The following NELFE variants were observed in gnomAD, a reference collection of about 807,000 sequenced individuals.
NELFE encodes the protein negative elongation factor E.
Under a neutral mutation model 55.5 loss-of-function variants are expected in NELFE, and 26 were observed. The ratio of observed to expected loss-of-function variants is 0.47; its 90% CI spans 0.34 to 0.65. NELFE has a LOEUF of 0.65. NELFE is among the 30% of genes least tolerant of loss of function. The pLI is 0.01. For missense variants in NELFE, 403 were observed against 506.9 expected (o/e 0.80, Z 1.97); for synonymous variants, 162 against 178.0 (o/e 0.91, Z 0.72).
chr6:31,955,359 T>A (rs1772014457), intron 4 of NELFE, 66 bp from the exon 5 acceptor site: 1 of 1,115,456 alleles, frequency 9.0e-7, no homozygotes, highest in African/African-American at 1.6e-5. Flanking sequence ...CCAGAGGTGT[T>A]CCTCTTCCCT....
Position 31,954,513 on chromosome 6 carries a change from C to T in NELFE, c.742+42G>A, listed in dbSNP as rs2151793257. The T allele has an allele frequency of 6.3e-7, 1 of 1,584,950 alleles. No individual in the cohort carries two copies. Among genetic ancestry groups the T allele is most frequent in the Non-Finnish European group, 8.6e-7 (1 of 1,163,714 alleles). On this transcript the variant is annotated intron_variant, in intron 7 of 10. Coordinates refer to ENST00000375429, the MANE Select transcript of NELFE (RefSeq NM_002904.6). This position sits in a 1 kb window ranked among gnomAD's most constrained non-coding sequence, Gnocchi z 5.5. ...TTTCACTTAGTAGGACCCACATAAA[C>T]CTCAGTTAAGGTCACCTTGACCTCC... is the stretch of plus-strand genomic sequence containing the variant.
At position 31,954,742 on chromosome 6, in the gene NELFE, G is replaced by A; in HGVS notation, c.555C>T (p.Ser185=). Residue 185 remains serine, a synonymous_variant, in exon 7 of 11, where the codon AGC becomes AGT. Coordinates refer to ENST00000375429, the MANE Select transcript of NELFE (RefSeq NM_002904.6). This position sits in a 1 kb window ranked among gnomAD's most constrained non-coding sequence, Gnocchi z 5.5. The stretch of plus-strand genomic sequence containing the variant: ...TCTCATGGCTGCGGTCCCGGCTGCG[G>A]CTTCGGGGAGGGGAGGCTGAGGAGT... ...GAHSSASPPR[S]RSRDRSHERN... The A allele has an allele frequency of 1.2e-6, 2 of 1,613,614 alleles. No individual in the cohort carries two copies. Among genetic ancestry groups the A allele is most frequent in the Non-Finnish European group, 1.7e-6 (2 of 1,180,012 alleles).
intron 4 of NELFE, 36 bp from the exon 5 acceptor site, chr6:31,955,329 G>A (rs774560577): frequency 2.7e-6 from 4 of 1,498,306 alleles, no homozygotes; most frequent in East Asian, 2.3e-5. Context: ...GTGTGGAGCA[G>A]GAGGTTGCCC....
At chr6:31,957,161 C>T (rs1772138782) in intron 2 of NELFE, 151 bp from the exon 3 acceptor site, 1 of 717,378 alleles carries the variant, frequency 1.4e-6, no homozygotes, top group Non-Finnish European at 2.3e-6. Context: ...GCCTCTGGTC[C>T]CCTAGATCAT....
chr6:31,958,217 G>A (rs1320851846), intron 2 of NELFE, 155 bp downstream of exon 2: 1 of 695,824 alleles, frequency 1.4e-6, no homozygotes, highest in East Asian at 2.6e-5. Context: ...CCACACCAAG[G>A]CTTGGGAAAG....
Position 31,955,040 on chromosome 6 carries a change from C to CATAA in NELFE, c.404+18_404+19insTTAT, listed in dbSNP as rs751750995. 1 of 1,613,304 alleles carries CATAA rather than the reference C, an allele frequency of 6.2e-7. No individual in the cohort carries two copies. Among genetic ancestry groups the CATAA allele is most frequent in the South Asian group, 1.1e-5 (1 of 91,086 alleles). On this transcript the variant is annotated intron_variant, in intron 6 of 10. Transcript: ENST00000375429. ...ATCAACTCCACCAAATGGGCCCAGCCTTATCTCTACTCTCTAACCTCTCAT... is the reference window on the plus strand; with the variant it reads ...ATCAACTCCACCAAATGGGCCCAGCCATAATTATCTCTACTCTCTAACCTCTCAT...
intron 2 of NELFE, 103 bp from the exon 3 acceptor site, chr6:31,957,113 A>T: frequency 9.9e-7 from 1 of 1,009,628 alleles, no homozygotes; most frequent in Non-Finnish European, 1.5e-6. Flanking sequence ...GTCTTTCTTG[A>T]TGCCCTCAGA....
chr6:31,954,987 C>T lies in NELFE; in HGVS notation c.404+72G>A, dbSNP rs1771992168. On this transcript the variant is annotated intron_variant, in intron 6 of 10. Coordinates refer to ENST00000375429, the MANE Select transcript of NELFE (RefSeq NM_002904.6). The surrounding 1 kb of genome is among the most constrained non-coding windows in gnomAD (Gnocchi z 5.5). ...TATTCCCTCTATAGCCCAGCTCCTACAGCCCAAACCTCCCAAGGACTCAGG... is the reference window on the plus strand; with the variant it reads ...TATTCCCTCTATAGCCCAGCTCCTATAGCCCAAACCTCCCAAGGACTCAGG... 1 of 1,613,328 alleles carries T rather than the reference C, an allele frequency of 6.2e-7. No homozygotes were observed. The highest frequency in any genetic ancestry group is 8.5e-7 in the Non-Finnish European group (1 of 1,179,706).
In NELFE at chr6:31,954,872, C is replaced by A. The variant is rs747856345; in HGVS notation, c.425G>T (p.Arg142Leu). 1.1e-5 allele frequency: 17 copies of A among 1,565,312 alleles called. No individual in the cohort carries two copies. Among genetic ancestry groups the A allele is most frequent in the African/African-American group, 1.4e-5 (1 of 73,706 alleles). The change falls in exon 7 of 11, where the codon CGA becomes CTA. Residue 142 changes from arginine (R) to leucine (L), a missense_variant. Arg to Leu is a moderately radical substitution (Grantham distance 102). This residue lies in a region of NELFE where 229 missense variants were observed against 228.3 expected (regional missense o/e 1.00). Transcript: ENST00000375429. The surrounding 1 kb of genome is among the most constrained non-coding windows in gnomAD (Gnocchi z 5.5). ...LYESFVSSSD[R>L]LRELGPDGEE... ...TCCATCTGGTCCTAGTTCTCGAAGTCGATCACTAGAAGACACAAAGCTGGG... is the reference window on the plus strand; with the variant it reads ...TCCATCTGGTCCTAGTTCTCGAAGTAGATCACTAGAAGACACAAAGCTGGG...
In NELFE at chr6:31,954,135, C is replaced by G. The variant is rs1282809985; in HGVS notation, c.888-1G>C. The G allele has an allele frequency of 1.2e-6, 2 of 1,613,902 alleles. No individual in the cohort carries two copies. The highest frequency in any genetic ancestry group is 1.7e-6 in the Non-Finnish European group (2 of 1,180,012). ...CTTTTCATAGGTGACGAAGGCACAG[C>G]TGGGATAAGAGAAAACACGGTCAGT... is the stretch of plus-strand genomic sequence containing the variant. On this transcript the variant is annotated splice_acceptor_variant, in intron 8 of 10. Coordinates refer to ENST00000375429, the MANE Select transcript of NELFE (RefSeq NM_002904.6). LOFTEE classifies it high-confidence loss of function. The surrounding 1 kb of genome is among the most constrained non-coding windows in gnomAD (Gnocchi z 5.5).
chr6:31,958,714 G>A, intron 1 of NELFE, 178 bp downstream of exon 1: 1 of 702,868 alleles, frequency 1.4e-6, no homozygotes, highest in South Asian at 1.5e-5. Flanking sequence ...TATCCACTCC[G>A]TCGGAAAGAC....
At chr6:31,956,862 A>G (rs774286683) in intron 3 of NELFE, 24 bp from the exon 4 acceptor site, 2 of 1,613,022 alleles carry the variant, frequency 1.2e-6, no homozygotes, top group Admixed American at 3.3e-5. Flanking sequence ...GGGAAGAGGC[A>G]TTATGTTGGC....
intron 1 of NELFE, 66 bp from the exon 2 acceptor site, chr6:31,958,520 C>T (rs1582160156): frequency 1.5e-6 from 2 of 1,313,654 alleles, no homozygotes; most frequent in South Asian, 1.2e-5. Context: ...ACACGCCGTC[C>T]ACACTGTACC....
At chr6:31,953,681 G>T in intron 10 of NELFE, 48 bp downstream of exon 10, 1 of 1,491,820 alleles carries the variant, frequency 6.7e-7, no homozygotes. Context: ...GAACCAAAAG[G>T]AATGGCCTGT....
rs1171321565 is a variant in NELFE, at chr6:31,954,402, C to T, written c.783G>A (p.Gly261=). 1.2e-6 allele frequency: 2 copies of T among 1,610,688 alleles called. No homozygotes were observed. Among genetic ancestry groups the T allele is most frequent in the Admixed American group, 1.7e-5 (1 of 59,166 alleles). ...SFPERRAPRK[G]NTLYVYGEDM... ...CTTCTCCATATACATAGAGAGTATT[C>T]CCTTTCCTAGGGGCTCGCCGTTCAG... The change falls in exon 8 of 11, where the codon GGG becomes GGA. Residue 261 remains glycine, a synonymous_variant. Coordinates refer to ENST00000375429, the MANE Select transcript of NELFE (RefSeq NM_002904.6). This position sits in a 1 kb window ranked among gnomAD's most constrained non-coding sequence, Gnocchi z 5.5.
chr6:31,956,966 T>G lies in NELFE; in HGVS notation c.120A>C (p.Thr40=), dbSNP rs778175294. 16 of 1,604,790 alleles carry G rather than the reference T, an allele frequency of 1.0e-5. No individual in the cohort carries two copies. Among genetic ancestry groups the G allele is most frequent in the Non-Finnish European group, 1.3e-5 (15 of 1,173,012 alleles). The change falls in exon 3 of 11, where the codon ACA becomes ACC. Residue 40 remains threonine, a synonymous_variant. Coordinates refer to ENST00000375429, the MANE Select transcript of NELFE (RefSeq NM_002904.6). Reference sequence around the variant, plus strand: ...AGCGTTTGACACCACCTTGGCTGGTTGTGCTGCTGCTACTTTGCTTCTTCA... The same window carrying G: ...AGCGTTTGACACCACCTTGGCTGGTGGTGCTGCTGCTACTTTGCTTCTTCA... ...LALKKQSSSS[T]TSQGGVKRSL...
At position 31,952,252 on chromosome 6, in the gene NELFE, T is replaced by C; in HGVS notation, c.*49A>G. 5 of 1,519,764 alleles carry C rather than the reference T, an allele frequency of 3.3e-6. No individual in the cohort carries two copies. The highest frequency in any genetic ancestry group is 4.5e-6 in the Non-Finnish European group (5 of 1,099,382). 94.1% of individuals were successfully genotyped at this position (1,519,764 alleles called of 1,614,324 possible). A position where few individuals can be genotyped will look rare whatever the true frequency, so the allele number is the denominator to read the frequency against. ...GTAAGCTTCCACCTCAGTGTTTTAC[T>C]GAGACCAGCATTGGGGCATATGAGG... On this transcript the variant is annotated 3_prime_UTR_variant, in exon 11 of 11. Transcript: ENST00000375429.
chr6:31,955,352 G>T, intron 4 of NELFE, 59 bp from the exon 5 acceptor site: 1 of 1,277,962 alleles, frequency 7.8e-7, no homozygotes, highest in Non-Finnish European at 1.1e-6. Context: ...CCATGGACCA[G>T]AGGTGTTCCT....
Position 31,953,863 on chromosome 6 carries a change from G to T in NELFE, c.943-32C>A, listed in dbSNP as rs142043614. ...CAGAAGAGGGGAGGCAGAGGATGGG[G>T]AGGAAAACATTACAGATAAACCAAA... On this transcript the variant is annotated intron_variant, in intron 9 of 10. Transcript: ENST00000375429. 5 of 1,564,510 alleles carry T rather than the reference G, an allele frequency of 3.2e-6. No homozygotes were observed. In the African/African-American group the frequency reaches 4.1e-5, roughly 13 times the overall value.
Sources: gnomAD v4.1 joint callset for allele counts on GRCh38, gnomAD v4.1.1 for gene constraint, gnomAD v4.1.1 regional missense constraint, Gnocchi (gnomAD v3.1) non-coding constraint, MANE v1.5 for transcripts, NCBI Gene and HGNC (gene_info 2026-07-23, HGNC 2026-07-21) for gene names.